Variants in NF2 observed in about 807,000 individuals in gnomAD.
The protein encoded by NF2 is NF2, moesin-ezrin-radixin like (MERLIN) tumor suppressor, also known as merlin.
A neutral mutation model predicts 83.7 loss-of-function variants in NF2; 8 were observed. That is an observed-to-expected ratio of 0.10 (90% CI 0.06 to 0.17). The LOEUF is 0.17. Ranked by LOEUF, NF2 falls within the 10% of genes least tolerant of loss-of-function variation. The pLI is 1.00. For synonymous variants in NF2, 266 were observed against 269.6 expected, an observed-to-expected ratio of 0.99 and a Z score of 0.13; for missense variants, 533 against 744.4, an observed-to-expected ratio of 0.72 and a Z score of 3.31.
chr22:29,620,716 C>T (rs1227003006), intron 1 of NF2, among the ~76,000 whole-genome samples: 1 of 151,832 alleles, frequency 6.6e-6, no homozygotes, highest in Non-Finnish European at 1.5e-5. Flanking sequence ...CAGGGAGAGA[C>T]TCCGACTCCA....
chr22:29,694,682 G>A lies in NF2; in HGVS notation c.1738-70G>A, dbSNP rs879174650. The A allele has an allele frequency of 1.3e-4, 192 of 1,528,226 alleles. 2 individuals are homozygous for A. The South Asian group carries it at 1.6e-3, about 13-fold the overall frequency. The allele number at this position is 1,528,226 out of a possible 1,614,324, so 94.7% of individuals were successfully genotyped here. A position where few individuals can be genotyped will look rare whatever the true frequency, so the allele number is the denominator to read the frequency against. ...GCCACCTTTGAGGTGAGTCCAAGTG[G>A]CAGGACAGGACCCTGTGTGACAGAG... On this transcript the variant is annotated intron_variant, in intron 15 of 15. Coordinates refer to ENST00000338641, the MANE Select transcript of NF2 (RefSeq NM_000268.4). The surrounding 1 kb of genome is among the most constrained non-coding windows in gnomAD (Gnocchi z 4.1).
rs368969253 is a variant in NF2 at position 29,663,981 on chromosome 22, A to G, written c.811-1009A>G. On this transcript the variant is annotated intron_variant, in intron 8 of 15. Transcript: ENST00000338641. ...TCTTTCTCTCCATTTTGATTTCAGC[A>G]TCAAGAACTGTTTTCCCTTCTACTA... 5.3e-5 allele frequency among the ~76,000 whole-genome samples: 8 copies of G among 152,328 alleles called. No homozygotes were observed. In the East Asian group the frequency reaches 1.5e-3, roughly 29 times the overall value.
intron 1 of NF2, among the ~76,000 whole-genome samples, chr22:29,631,545 C>T (rs2065512656): frequency 6.6e-6 from 1 of 152,160 alleles, no homozygotes; most frequent in Admixed American, 6.5e-5. Flanking sequence ...GTAGTGGATG[C>T]TCAATAAAGG....
At chr22:29,649,548 AAAAACAAAAC>A (rs375726074) in intron 4 of NF2, among the ~76,000 whole-genome samples, 161 of 152,272 alleles carry the variant, frequency 1.1e-3, no homozygotes, top group African/African-American at 2.9e-3. Context: ...AGAAAAAGGC[AAAAACAAAAC>A]AAAACAAAAC....
intron 4 of NF2, among the ~76,000 whole-genome samples, chr22:29,650,091 TG>T (rs1295675864): frequency 1.3e-5 from 2 of 152,110 alleles, no homozygotes; most frequent in African/African-American, 4.8e-5. Context: ...TGATGGCTAG[TG>T]GGTACAGGAC....
intron 10 of NF2, among the ~76,000 whole-genome samples, chr22:29,670,723 C>T (rs1436701146): frequency 6.6e-6 from 1 of 152,168 alleles, no homozygotes; most frequent in Non-Finnish European, 1.5e-5. Context: ...AGAGGAATGG[C>T]ACTGTCTTGT....
intron 15 of NF2, chr22:29,683,532 A>G: frequency 8.9e-7 from 1 of 1,121,604 alleles, no homozygotes; most frequent in Non-Finnish European, 1.1e-6. Flanking sequence ...AGCTTCTGGT[A>G]GTGGGGCAAA....
At chr22:29,641,638 A>G (rs538560596) in intron 3 of NF2, among the ~76,000 whole-genome samples, 1 of 152,350 alleles carries the variant, frequency 6.6e-6, no homozygotes, top group African/African-American at 2.4e-5. Context: ...GAAATATGTT[A>G]ATTCAACATT....
chr22:29,658,168 T>G, intron 6 of NF2, 21 bp from the exon 7 acceptor site: 2 of 1,612,136 alleles, frequency 1.2e-6, no homozygotes, highest in East Asian at 2.2e-5. Context: ...CCAATGACAG[T>G]GTCTTCCGTT....
chr22:29,624,809 CTTTCTTTCTTT>C (rs2065304992), intron 1 of NF2, among the ~76,000 whole-genome samples: 1 of 78,414 alleles, frequency 1.3e-5, no homozygotes, highest in African/African-American at 5.4e-5. Flanking sequence ...CTCTTTCTTT[CTTTCTTTCTTT>C]CTTTCTTTCT....
intron 4 of NF2, among the ~76,000 whole-genome samples, chr22:29,654,452 C>T (rs1375692523): frequency 6.6e-6 from 1 of 152,210 alleles, no homozygotes; most frequent in African/African-American, 2.4e-5. Context: ...CCATCTCTTA[C>T]AGGATTATGC....
intron 4 of NF2, 48 bp from the exon 5 acceptor site, chr22:29,654,609 A>G (rs775102416): frequency 1.3e-6 from 2 of 1,503,504 alleles, no homozygotes; most frequent in Admixed American, 1.7e-5. Context: ...CAGAAATGGC[A>G]GTTATCTTTA....
rs2066472406 is a variant in NF2, at chr22:29,661,349, G to T, written c.810+10G>T. ...GTACAGTGACAAGGAGGTAGGACAT[G>T]TGTGTACTGCAGATGGGTCCAGCAG... On this transcript the variant is annotated intron_variant, in intron 8 of 15. Transcript: ENST00000338641. 6.2e-7 allele frequency: 1 copy of T among 1,613,702 alleles called. No homozygotes were observed. The highest frequency in any genetic ancestry group is 2.2e-5 in the East Asian group (1 of 44,884).
At chr22:29,620,247 G>C (rs1056937967) in intron 1 of NF2, among the ~76,000 whole-genome samples, 1 of 151,382 alleles carries the variant, frequency 6.6e-6, no homozygotes, top group South Asian at 2.1e-4. Flanking sequence ...CGACAAGAGC[G>C]AGACTCTGTC....
intron 15 of NF2, among the ~76,000 whole-genome samples, chr22:29,691,248 T>C (rs1387781439): frequency 1.3e-5 from 2 of 152,124 alleles, no homozygotes; most frequent in African/African-American, 4.8e-5. Flanking sequence ...GTTGCTGGAT[T>C]GCCAAAGGGA....
chr22:29,638,572 G>A lies in NF2; in HGVS notation c.241-518G>A, dbSNP rs2065711562. ...TCACCATGTTGGCCAGGCTGGTCTT[G>A]AACTCCTGACCTCAGGTGATCCACC... is the stretch of plus-strand genomic sequence containing the variant. On this transcript the variant is annotated intron_variant, in intron 2 of 15. Transcript: ENST00000338641. Among the ~76,000 whole-genome samples the A allele has an allele frequency of 2.0e-5, 3 of 152,010 alleles. No individual in the cohort carries two copies. In the South Asian group the frequency reaches 6.2e-4, roughly 32 times the overall value.
At chr22:29,611,774 A>T (rs541336942) in intron 1 of NF2, among the ~76,000 whole-genome samples, 2 of 152,324 alleles carry the variant, frequency 1.3e-5, no homozygotes, top group East Asian at 3.9e-4. Flanking sequence ...CTAATAAATT[A>T]TTAGTTTAGT....
At chr22:29,660,529 C>T (rs968017442) in intron 7 of NF2, among the ~76,000 whole-genome samples, 2 of 152,164 alleles carry the variant, frequency 1.3e-5, no homozygotes, top group African/African-American at 4.8e-5. Context: ...AGTAGTCCAA[C>T]AATGGTTTCT....
At chr22:29,650,957 C>T (rs907015703) in intron 4 of NF2, among the ~76,000 whole-genome samples, 6 of 152,146 alleles carry the variant, frequency 3.9e-5, no homozygotes, top group Non-Finnish European at 8.8e-5. Context: ...GAGTTATCAA[C>T]CTTTTGTCTA....
Sources: gnomAD v4.1 joint callset for allele counts (sites outside exome capture counted in the v4.1 genomes callset) on GRCh38, gnomAD v4.1.1 for gene constraint, Gnocchi (gnomAD v3.1) non-coding constraint, MANE v1.5 for transcripts, NCBI Gene and HGNC (gene_info 2026-07-23, HGNC 2026-07-21) for gene names.